Variants in ASPHD2 observed in about 807,000 individuals in gnomAD.
ASPHD2 encodes aspartate beta-hydroxylase domain-containing protein 2.
Under a neutral mutation model 34.6 loss-of-function variants are expected in ASPHD2, and 12 were observed. That is an observed-to-expected ratio of 0.35 (90% CI 0.22 to 0.56). The LOEUF is 0.56. Among genes scored for constraint, ASPHD2 ranks in the 20% least tolerant of loss-of-function variants. The probability of loss-of-function intolerance (pLI) is 0.87; values close to 1 mark genes in which losing one functional copy is unlikely to be tolerated. For missense variants in ASPHD2, 375 were observed against 505.0 expected, an observed-to-expected ratio of 0.74 and a Z score of 2.47; for synonymous variants, 224 against 212.2, an observed-to-expected ratio of 1.06 and a Z score of -0.48.
At chr22:26,436,841 CATGTGTGTGTGT>C (rs1568983422) in intron 2 of ASPHD2, among the ~76,000 whole-genome samples, 4 of 108,438 alleles carry the variant, frequency 3.7e-5, no homozygotes, top group Non-Finnish European at 5.8e-5. Flanking sequence ...GATATGCATG[CATGTGTGTGTGT>C]GTGTGTGTGT....
rs753806113 is a variant in ASPHD2 at position 26,442,538 on chromosome 22, T to C, written c.966T>C (p.Phe322=). 1 of 1,611,494 alleles carries C rather than the reference T, an allele frequency of 6.2e-7. No individual in the cohort carries two copies. Among genetic ancestry groups the C allele is most frequent in the Admixed American group, 1.7e-5 (1 of 59,642 alleles). The change falls in exon 3 of 4, where the codon TTT becomes TTC. Residue 322 remains phenylalanine, a synonymous_variant. Coordinates refer to ENST00000215906, the MANE Select transcript of ASPHD2 (RefSeq NM_020437.5). ...QCWAEGRCLL[F]DDSFLHAAFH... The stretch of plus-strand genomic sequence containing the variant: ...GGGCAGAAGGGCGCTGCCTTCTCTT[T>C]GATGACTCTTTCCTGCATGCTGCGT...
At position 26,442,654 on chromosome 22, in the gene ASPHD2, A is replaced by G. The variant is rs1008768597; in HGVS notation, c.1000+82A>G. On this transcript the variant is annotated intron_variant, in intron 3 of 3. Coordinates refer to ENST00000215906, the MANE Select transcript of ASPHD2 (RefSeq NM_020437.5). ...AGAGAAGTTTTAGGTTTCCAGAAAA[A>G]TCAGGCAGAAAGTACCAAGGAGGCC... The G allele has an allele frequency of 1.8e-5, 22 of 1,200,292 alleles. No individual in the cohort carries two copies. In the East Asian group the frequency reaches 5.2e-4, roughly 29 times the overall value. The allele number at this position is 1,200,292 out of a possible 1,614,324, so 74.4% of individuals were successfully genotyped here.
intron 2 of ASPHD2, among the ~76,000 whole-genome samples, chr22:26,441,690 C>G (rs1019733784): frequency 6.6e-6 from 1 of 152,030 alleles, no homozygotes; most frequent in African/African-American, 2.4e-5. Flanking sequence ...CTTTGGGAGG[C>G]TGAGGCGGGT....
chr22:26,434,098 C>T lies in ASPHD2; in HGVS notation c.483C>T (p.Ser161=). 6.2e-7 allele frequency: 1 copy of T among 1,612,890 alleles called. No individual in the cohort carries two copies. The highest frequency in any genetic ancestry group is 8.5e-7 in the Non-Finnish European group (1 of 1,179,668). ...EQGRYLNSRP[S]IQKPEVFFLP... ...GCCGGTACCTCAACAGCCGGCCCTC[C>T]ATCCAGAAGCCCGAGGTCTTCTTCC... The change falls in exon 2 of 4, where the codon TCC becomes TCT. Residue 161 remains serine (S), a synonymous_variant. Coordinates refer to ENST00000215906, the MANE Select transcript of ASPHD2 (RefSeq NM_020437.5).
rs2084901182 is a variant in ASPHD2, at chr22:26,444,886, T to G, written c.*1680T>G. ...GTTAAAGAATCACTGAGGTGCATGATTTCTACACATCGTGACTGCTCTGCT... is the reference window on the plus strand; with the variant it reads ...GTTAAAGAATCACTGAGGTGCATGAGTTCTACACATCGTGACTGCTCTGCT... On this transcript the variant is annotated 3_prime_UTR_variant, in exon 4 of 4. Coordinates refer to ENST00000215906, the MANE Select transcript of ASPHD2 (RefSeq NM_020437.5). The G allele has an allele frequency of 6.6e-6, 1 of 152,238 alleles. No homozygotes were observed. Among genetic ancestry groups the G allele is most frequent in the Admixed American group, 6.5e-5 (1 of 15,288 alleles). The allele number at this position is 152,238 out of a possible 1,614,324, so 9.4% of individuals were successfully genotyped here.
intron 1 of ASPHD2, among the ~76,000 whole-genome samples, chr22:26,430,205 C>T (rs2084748301): frequency 6.6e-6 from 1 of 152,208 alleles, no homozygotes; most frequent in Non-Finnish European, 1.5e-5. Context: ...GGGGGGCTTC[C>T]AGGGTGACTT....
chr22:26,438,828 G>C (rs1279323735), intron 2 of ASPHD2, among the ~76,000 whole-genome samples: 1 of 152,036 alleles, frequency 6.6e-6, no homozygotes, highest in Non-Finnish European at 1.5e-5. Flanking sequence ...TCCGATGTTT[G>C]AGGGCAGGAA....
At chr22:26,441,478 TAAA>T (rs34554219) in intron 2 of ASPHD2, among the ~76,000 whole-genome samples, 3 of 95,636 alleles carry the variant, frequency 3.1e-5, no homozygotes, top group East Asian at 3.1e-4. Flanking sequence ...ACCTTGTATC[TAAA>T]AAAAAAAAAA....
intron 2 of ASPHD2, among the ~76,000 whole-genome samples, chr22:26,438,652 C>CATACATATATATACATACAT (rs1568984157): frequency 5.7e-5 from 7 of 122,568 alleles, no homozygotes; most frequent in African/African-American, 2.2e-4. Context: ...TATACACATA[C>CATACATATATATACATACAT]ATATATATAT....
Position 26,442,490 on chromosome 22 carries a change from G to C in ASPHD2, c.918G>C (p.Val306=). The part of the protein sequence containing the change: ...GLKTPNGCEL[V]VGGEPQCWAE... ...AAACTCCAAATGGCTGTGAGCTGGTGGTGGGGGGAGAGCCCCAGTGCTGGG... is the reference window on the plus strand; with the variant it reads ...AAACTCCAAATGGCTGTGAGCTGGTCGTGGGGGGAGAGCCCCAGTGCTGGG... The change falls in exon 3 of 4, where the codon GTG becomes GTC. Residue 306 remains valine (V), a synonymous_variant. Coordinates refer to ENST00000215906, the MANE Select transcript of ASPHD2 (RefSeq NM_020437.5). 1 of 1,608,790 alleles carries C rather than the reference G, an allele frequency of 6.2e-7. No homozygotes were observed. Among genetic ancestry groups the C allele is most frequent in the Non-Finnish European group, 8.5e-7 (1 of 1,177,994 alleles).
chr22:26,436,246 G>A (rs2084791835), intron 2 of ASPHD2, among the ~76,000 whole-genome samples: 1 of 152,232 alleles, frequency 6.6e-6, no homozygotes, highest in African/African-American at 2.4e-5. Flanking sequence ...CTAAAACAGA[G>A]ATGACGATTC....
In ASPHD2 at chr22:26,433,970, A is replaced by C; in HGVS notation, c.355A>C (p.Asn119His). 1 of 1,612,940 alleles carries C rather than the reference A, an allele frequency of 6.2e-7. No homozygotes were observed. Among genetic ancestry groups the C allele is most frequent in the Non-Finnish European group, 8.5e-7 (1 of 1,179,946 alleles). ...QSPECVRCTHNEGLNQKLYHN... is the reference protein window; with the variant it reads ...QSPECVRCTHHEGLNQKLYHN... Reference sequence around the variant, plus strand: ...CCCTGAGTGCGTGCGCTGCACCCACAACGAGGGCCTCAACCAGAAGCTGTA... The same window carrying C: ...CCCTGAGTGCGTGCGCTGCACCCACCACGAGGGCCTCAACCAGAAGCTGTA... Residue 119 changes from asparagine to histidine, a missense_variant, in exon 2 of 4, where the codon AAC (asparagine) becomes CAC (histidine). This residue lies in a region of ASPHD2 where 223 missense variants were observed against 257.8 expected (regional missense o/e 0.87). Coordinates refer to ENST00000215906, the MANE Select transcript of ASPHD2 (RefSeq NM_020437.5). This position sits in a 1 kb window ranked among gnomAD's most constrained non-coding sequence, Gnocchi z 5.1.
At chr22:26,431,977 C>T (rs751679279) in intron 1 of ASPHD2, among the ~76,000 whole-genome samples, 1 of 152,196 alleles carries the variant, frequency 6.6e-6, no homozygotes, top group Non-Finnish European at 1.5e-5. Context: ...GGACGGATCA[C>T]CTGAGATTGG....
intron 1 of ASPHD2, among the ~76,000 whole-genome samples, chr22:26,432,720 A>G (rs567405336): frequency 6.6e-6 from 1 of 152,186 alleles, no homozygotes; most frequent in Non-Finnish European, 1.5e-5. Context: ...TCATGACCCT[A>G]TGGGTGAGAC....
intron 1 of ASPHD2, among the ~76,000 whole-genome samples, chr22:26,431,804 A>G (rs1325276123): frequency 2.0e-5 from 3 of 152,220 alleles, no homozygotes; most frequent in African/African-American, 4.8e-5. Context: ...TCGCCTGCAT[A>G]TATTGGGTGC....
chr22:26,439,467 A>G (rs558784457), intron 2 of ASPHD2, among the ~76,000 whole-genome samples: 7 of 152,348 alleles, frequency 4.6e-5, no homozygotes, highest in East Asian at 1.9e-4. Context: ...TGTTAATAGT[A>G]TAACAACTAG....
At chr22:26,438,538 C>CAT (rs1364620069) in intron 2 of ASPHD2, among the ~76,000 whole-genome samples, 8 of 59,298 alleles carry the variant, frequency 1.3e-4, no homozygotes, top group African/African-American at 5.2e-4. Context: ...TACATATATA[C>CAT]ACATACATAT....
chr22:26,432,109 CACTT>C (rs987789322), intron 1 of ASPHD2, among the ~76,000 whole-genome samples: 1 of 152,208 alleles, frequency 6.6e-6, no homozygotes, highest in African/African-American at 2.4e-5. Context: ...ATAGGAGAAT[CACTT>C]GAACCTGGAA....
intron 2 of ASPHD2, among the ~76,000 whole-genome samples, chr22:26,438,470 CAT>C (rs376290077): frequency 1.1e-4 from 16 of 139,936 alleles, no homozygotes; most frequent in Admixed American, 1.1e-3. Flanking sequence ...TACACACACA[CAT>C]ATATATACAT....
Sources: allele counts gnomAD v4.1 joint callset (sites outside exome capture counted in the v4.1 genomes callset), GRCh38; gene constraint gnomAD v4.1.1; regional missense constraint gnomAD v4.1.1; non-coding constraint Gnocchi (gnomAD v3.1); transcripts MANE v1.5; gene names NCBI Gene and HGNC (gene_info 2026-07-23, HGNC 2026-07-21).